Variants in ITSN1 observed in about 807,000 individuals in gnomAD.
ITSN1 encodes intersectin 1, also known as intersectin-1.
In ITSN1, 58 loss-of-function variants were observed where a neutral mutation model predicts 239.8. The ratio of observed to expected loss-of-function variants is 0.24; its 90% confidence interval spans 0.20 to 0.30. The LOEUF (loss-of-function observed/expected upper bound fraction) is 0.30, where lower values mean the gene tolerates loss of function less well. Ranked by LOEUF, ITSN1 falls within the 10% of genes least tolerant of loss-of-function variation. The pLI is 1.00. For missense variants in ITSN1, 1,558 were observed against 2,103.3 expected (o/e 0.74, Z 5.07); for synonymous variants, 780 against 770.8 (o/e 1.01, Z -0.20).
At chr21:33,725,546 G>A (rs1020186328) in intron 4 of ITSN1, among the ~76,000 whole-genome samples, 1 of 152,116 alleles carries the variant, frequency 6.6e-6, no homozygotes, top group Non-Finnish European at 1.5e-5. Flanking sequence ...GCTGCAGTCA[G>A]CTATGATTGT....
chr21:33,836,746 C>A, intron 29 of ITSN1, 114 bp downstream of exon 29: 1 of 889,826 alleles, frequency 1.1e-6, no homozygotes, highest in Non-Finnish European at 1.8e-6. Flanking sequence ...TAGACCATTG[C>A]TGCATTCGCA....
At chr21:33,749,853 A>G (rs1014746718) in intron 5 of ITSN1, among the ~76,000 whole-genome samples, 1 of 152,002 alleles carries the variant, frequency 6.6e-6, no homozygotes, top group Non-Finnish European at 1.5e-5. Context: ...TTTAAATATC[A>G]TTTTGAACTC....
intron 16 of ITSN1, among the ~76,000 whole-genome samples, chr21:33,789,643 A>G (rs2300381): frequency 0.19 from 28,265 of 152,116 alleles, 2,960 homozygotes; most frequent in East Asian, 0.43. Context: ...GGAATCCTAT[A>G]TATTGTTCAG....
chr21:33,800,244 T>C (rs1274934594), intron 19 of ITSN1, among the ~76,000 whole-genome samples: 1 of 151,914 alleles, frequency 6.6e-6, no homozygotes, highest in African/African-American at 2.4e-5. Context: ...CATATATATG[T>C]AATACATATA....
chr21:33,655,942 G>A (rs1178585178), intron 1 of ITSN1, among the ~76,000 whole-genome samples: 1 of 152,032 alleles, frequency 6.6e-6, no homozygotes, highest in African/African-American at 2.4e-5. Context: ...AAAAGTGATA[G>A]GGAGAGAAAA....
chr21:33,816,828 G>A (rs1241916996), intron 22 of ITSN1, among the ~76,000 whole-genome samples: 2 of 152,228 alleles, frequency 1.3e-5, no homozygotes, highest in Admixed American at 6.5e-5. Flanking sequence ...AGGGGTGTTC[G>A]AAATCCAGGG....
chr21:33,859,167 G>T (rs1436995217), intron 31 of ITSN1, among the ~76,000 whole-genome samples: 1 of 152,186 alleles, frequency 6.6e-6, no homozygotes, highest in East Asian at 1.9e-4. Context: ...GGGATTATTG[G>T]TCTTTTGAGG....
intron 25 of ITSN1, among the ~76,000 whole-genome samples, chr21:33,824,265 C>T (rs1460919294): frequency 6.6e-6 from 1 of 152,116 alleles, no homozygotes; most frequent in Non-Finnish European, 1.5e-5. Context: ...AATTTGATCA[C>T]ATAAACTGTG....
intron 29 of ITSN1, 72 bp from the exon 30 acceptor site, chr21:33,856,664 G>A: frequency 6.2e-7 from 1 of 1,604,036 alleles, no homozygotes; most frequent in Admixed American, 1.7e-5. Flanking sequence ...GCAGCCACGA[G>A]GATCTTCCGT....
chr21:33,854,798 CG>C (rs1156320572), intron 29 of ITSN1, among the ~76,000 whole-genome samples: 1 of 152,296 alleles, frequency 6.6e-6, no homozygotes, highest in East Asian at 1.9e-4. Flanking sequence ...TGCAAAAGTG[CG>C]AGCTCACCTT....
intron 31 of ITSN1, among the ~76,000 whole-genome samples, chr21:33,862,095 G>A (rs931938818): frequency 6.7e-6 from 1 of 149,338 alleles, no homozygotes; most frequent in Non-Finnish European, 1.5e-5. Flanking sequence ...CCCGGTGGGG[G>A]CAGAGGCTGC....
chr21:33,787,971 T>G (rs867527679), intron 16 of ITSN1, among the ~76,000 whole-genome samples: 13 of 152,196 alleles, frequency 8.5e-5, no homozygotes, highest in Middle Eastern at 3.4e-3. Flanking sequence ...CTTGGTTGAG[T>G]TTTTTAGTTA....
intron 16 of ITSN1, among the ~76,000 whole-genome samples, chr21:33,790,827 T>C (rs765325028): frequency 3.1e-4 from 47 of 152,198 alleles, no homozygotes; most frequent in Admixed American, 2.7e-3. Context: ...TTCCTAGATA[T>C]GTAATTTAAT....
At chr21:33,690,268 ACT>A (rs1266967086) in intron 1 of ITSN1, among the ~76,000 whole-genome samples, 1 of 150,618 alleles carries the variant, frequency 6.6e-6, no homozygotes, top group Admixed American at 6.6e-5. Flanking sequence ...ATAGAGCAAG[ACT>A]CTGTCTCAAA....
intron 1 of ITSN1, among the ~76,000 whole-genome samples, chr21:33,661,945 G>A (rs2834243): frequency 0.54 from 81,868 of 151,606 alleles, 22,989 homozygotes; most frequent in East Asian, 0.75. Flanking sequence ...ACTAATACAC[G>A]TAAGAATTTT....
intron 32 of ITSN1, among the ~76,000 whole-genome samples, chr21:33,866,677 C>T (rs898151714): frequency 1.3e-5 from 2 of 152,190 alleles, no homozygotes; most frequent in Non-Finnish European, 2.9e-5. Flanking sequence ...TAAACCAGAC[C>T]ACAGCCTTTG....
chr21:33,784,108 T>G (rs939091586), intron 16 of ITSN1, among the ~76,000 whole-genome samples: 2 of 152,172 alleles, frequency 1.3e-5, no homozygotes, highest in African/African-American at 4.8e-5. Flanking sequence ...AATAAGAGTA[T>G]TTCTTCTTGT....
chr21:33,776,696 G>A (rs916281694), intron 14 of ITSN1, among the ~76,000 whole-genome samples: 7 of 152,124 alleles, frequency 4.6e-5, no homozygotes, highest in African/African-American at 1.2e-4. Context: ...GTTTATTGGC[G>A]AGTATTTTTT....
intron 1 of ITSN1, chr21:33,716,360 A>C (rs1321745149): frequency 1.3e-5 from 2 of 152,252 alleles, no homozygotes; most frequent in Non-Finnish European, 2.9e-5. Context: ...ATTGAAAGTC[A>C]AGTGAGCCTG....
Sources: allele counts gnomAD v4.1 joint callset (sites outside exome capture counted in the v4.1 genomes callset), GRCh38; gene constraint gnomAD v4.1.1; transcripts MANE v1.5; gene names NCBI Gene and HGNC (gene_info 2026-07-23, HGNC 2026-07-21).